TRIM64C: variants seen among roughly 807,000 people sequenced by gnomAD.
The protein encoded by TRIM64C is tripartite motif containing 64C.
In TRIM64C, 25 loss-of-function variants were observed where a neutral mutation model predicts 36.1. That is an observed-to-expected ratio of 0.69 (90% CI 0.51 to 0.97). The LOEUF (loss-of-function observed/expected upper bound fraction) is 0.97, where lower values mean the gene tolerates loss of function less well. TRIM64C is among the 50% of genes least tolerant of loss of function. The probability of loss-of-function intolerance (pLI) is 0.00; values close to 1 mark genes in which losing one functional copy is unlikely to be tolerated. For missense variants in TRIM64C, 489 were observed against 536.8 expected (o/e 0.91, Z 0.88); for synonymous variants, 212 against 185.7 (o/e 1.14, Z -1.15).
At chr11:49,055,621 A>G (rs1854804244) in intron 4 of TRIM64C, among the ~76,000 whole-genome samples, 1 of 152,172 alleles carries the variant, frequency 6.6e-6, no homozygotes, top group Non-Finnish European at 1.5e-5. Context: ...CAGATATGTT[A>G]TTCTCAGACA....
chr11:49,056,337 A>G (rs767081421), intron 4 of TRIM64C, 22 bp downstream of exon 4: 1 of 1,527,716 alleles, frequency 6.5e-7, no homozygotes, highest in Non-Finnish European at 8.8e-7. Context: ...CAGAAATAGC[A>G]TTTTTTTTAG....
chr11:49,053,980 T>A lies in TRIM64C; in HGVS notation c.1087A>T (p.Thr363Ser). ...TCAATAACTATATTGGTATCTGCTG[T>A]CCTAGAATCTCGACAGACTCCCAGA... ...WILGVCRDSR[T>S]ADTNIVIDSD... The change falls in exon 6 of 6, where the codon ACA becomes TCA. Residue 363 changes from threonine (T) to serine (S), a missense_variant. Thr to Ser is a moderately conservative substitution (Grantham distance 58). Coordinates refer to ENST00000617704, the MANE Select transcript of TRIM64C (RefSeq NM_001206631.1). 6.4e-7 allele frequency: 1 copy of A among 1,551,584 alleles called. No individual in the cohort carries two copies. Among genetic ancestry groups the A allele is most frequent in the South Asian group, 1.2e-5 (1 of 84,054 alleles).
At position 49,057,288 on chromosome 11, in the gene TRIM64C, C is replaced by T. The variant is rs1217784319; in HGVS notation, c.598G>A (p.Ala200Thr). ...AGCTCTTTTGCTTCTCTTTCCAGTGCCTGCAGATGCCGTTGCTCCTCCTCA... is the reference window on the plus strand; with the variant it reads ...AGCTCTTTTGCTTCTCTTTCCAGTGTCTGCAGATGCCGTTGCTCCTCCTCA... ...LDEEEQRHLQ[A>T]LEREAKELFQ... Residue 200 changes from alanine (A) to threonine (T), a missense_variant, in exon 3 of 6, where the codon GCA becomes ACA. Physicochemically the swap from Ala to Thr is moderately conservative, Grantham distance 58. Coordinates refer to ENST00000617704, the MANE Select transcript of TRIM64C (RefSeq NM_001206631.1). 6.5e-7 allele frequency: 1 copy of T among 1,549,724 alleles called. No individual in the cohort carries two copies.
At position 49,056,381 on chromosome 11, in the gene TRIM64C, C is replaced by G. The variant is rs769942779; in HGVS notation, c.739G>C (p.Asp247His). ...CACCTTGCCGATATATTTCCCACAT[C>G]CTGCAAAAAAAATAAAATGTAATGT... ...YHMPDVELLQ[D>H]VGNISARTDL... Residue 247 changes from aspartate to histidine, a missense_variant and splice_region_variant, in exon 4 of 6, where the codon GAT becomes CAT. Asp to His is a moderately conservative substitution (Grantham distance 81, BLOSUM62 -1). Transcript: ENST00000617704. 6.5e-7 allele frequency: 1 copy of G among 1,541,206 alleles called. No individual in the cohort carries two copies. Among genetic ancestry groups the G allele is most frequent in the African/African-American group, 1.4e-5 (1 of 71,868 alleles).
At position 49,058,521 on chromosome 11, in the gene TRIM64C, C is replaced by T. The variant is rs145215774; in HGVS notation, c.412+180G>A. On this transcript the variant is annotated intron_variant, in intron 1 of 5. Transcript: ENST00000617704. ...GAAACCTCCTTTAGTGAAGTCTCAA[C>T]ACAGCTATGATTAGAGTGCCAAATT... is the stretch of plus-strand genomic sequence containing the variant. Among the ~76,000 whole-genome samples the T allele has an allele frequency of 6.3e-3, 954 of 151,920 alleles. 43 individuals carry two copies. The highest frequency in any genetic ancestry group is 0.022 in the African/African-American group (916 of 41,228).
chr11:49,055,587 A>T lies in TRIM64C; in HGVS notation c.762-180T>A, dbSNP rs114510054. Among the ~76,000 whole-genome samples, 1,513 of 152,236 alleles carry T rather than the reference A, an allele frequency of 9.9e-3. 25 individuals carry two copies. The highest frequency in any genetic ancestry group is 0.034 in the African/African-American group (1,425 of 41,534). ...AAGGATGTTAATTTTTTTAAATTTT[A>T]CTTGCATAAAAACCCAATTTCTCCA... On this transcript the variant is annotated intron_variant, in intron 4 of 5. Coordinates refer to ENST00000617704, the MANE Select transcript of TRIM64C (RefSeq NM_001206631.1).
Position 49,055,260 on chromosome 11 carries a change from C to A in TRIM64C, c.859+50G>T, listed in dbSNP as rs564643018. On this transcript the variant is annotated intron_variant, in intron 5 of 5. Transcript: ENST00000617704. The stretch of plus-strand genomic sequence containing the variant: ...AATGGGAGAAGCCTCAACCAAGGGA[C>A]CCAATAAGGAAATAATTTGAGGCTG... The A allele has an allele frequency of 3.2e-4, 484 of 1,533,300 alleles. No homozygotes were observed. In the African/African-American group the frequency reaches 5.8e-3, roughly 18 times the overall value. 95.0% of individuals were successfully genotyped at this position (1,533,300 alleles called of 1,614,324 possible). A position where few individuals can be genotyped will look rare whatever the true frequency, so the allele number is the denominator to read the frequency against.
In TRIM64C at chr11:49,054,195, A is replaced by C; in HGVS notation, c.872T>G (p.Leu291Arg). 6 of 1,551,458 alleles carry C rather than the reference A, an allele frequency of 3.9e-6. No individual in the cohort carries two copies. Among genetic ancestry groups the C allele is most frequent in the Non-Finnish European group, 5.2e-6 (6 of 1,146,800 alleles). The stretch of plus-strand genomic sequence containing the variant: ...ATAGCAAGGAGTCATTTCTGTACTC[A>C]GAGCATTATCCACTGACAAGGAAAA... ...MLNNFRVDNA[L>R]STEMTPCYIS... is the part of the protein sequence containing the mutation. The change falls in exon 6 of 6, where the codon CTG becomes CGG. Residue 291 changes from leucine to arginine, a missense_variant. Leu to Arg is a moderately radical substitution (Grantham distance 102). Transcript: ENST00000617704.
chr11:49,055,493 A>T lies in TRIM64C; in HGVS notation c.762-86T>A, dbSNP rs1388559114. The T allele has an allele frequency of 2.7e-6, 4 of 1,496,246 alleles. No individual in the cohort carries two copies. The African/African-American group carries it at 4.2e-5, about 16-fold the overall frequency. 92.7% of individuals were successfully genotyped at this position (1,496,246 alleles called of 1,614,324 possible). On this transcript the variant is annotated intron_variant, in intron 4 of 5. Transcript: ENST00000617704. ...TGAAGATATCATATTTTCATATAAG[A>T]TGTTTCCTCAGAATTCTGCCGGTTT...
In TRIM64C at chr11:49,058,126, C is replaced by T; in HGVS notation, c.459G>A (p.Glu153=). 2 of 1,529,334 alleles carry T rather than the reference C, an allele frequency of 1.3e-6. No homozygotes were observed. Among genetic ancestry groups the T allele is most frequent in the Admixed American group, 2.0e-5 (1 of 49,984 alleles). 94.7% of individuals were successfully genotyped at this position (1,529,334 alleles called of 1,614,324 possible). A position where few individuals can be genotyped will look rare whatever the true frequency, so the allele number is the denominator to read the frequency against. Residue 153 remains glutamate, a synonymous_variant, in exon 2 of 6, where the codon GAG becomes GAA. Transcript: ENST00000617704. ...TTTCCTGATTTAGATTGTTTTGTGT[C>T]TCTTGATTGATTTTCCATAAATAGT... is the stretch of plus-strand genomic sequence containing the variant. The part of the protein sequence containing the change: ...EMDYLWKINQ[E]TQNNLNQETS...
Position 49,057,220 on chromosome 11 carries a change from A to C in TRIM64C, c.666T>G (p.His222Gln), listed in dbSNP as rs752744752. ...TGTACATGTCTTTCATCCCTTCTAAATGTTGGGTCATTCTCACTTGACTGT... is the reference window on the plus strand; with the variant it reads ...TGTACATGTCTTTCATCCCTTCTAACTGTTGGGTCATTCTCACTTGACTGT... ...LQDSQVRMTQ[H>Q]LEGMKDMYRE... The change falls in exon 3 of 6, where the codon CAT (histidine) becomes CAG (glutamine). Residue 222 changes from histidine to glutamine, a missense_variant. Coordinates refer to ENST00000617704, the MANE Select transcript of TRIM64C (RefSeq NM_001206631.1). The C allele has an allele frequency of 8.4e-6, 13 of 1,549,490 alleles. No individual in the cohort carries two copies. The highest frequency in any genetic ancestry group is 1.1e-5 in the Non-Finnish European group (13 of 1,146,938).
intron 5 of TRIM64C, among the ~76,000 whole-genome samples, chr11:49,055,020 GC>G (rs1854796289): frequency 6.6e-6 from 1 of 152,148 alleles, no homozygotes; most frequent in Admixed American, 6.5e-5. Context: ...AAATACTGAT[GC>G]CACCATGAAA....
In TRIM64C at chr11:49,054,319, C is replaced by A. The variant is rs1854788343; in HGVS notation, c.860-112G>T. The A allele has an allele frequency of 4.0e-6, 5 of 1,238,002 alleles. No homozygotes were observed. The South Asian group carries it at 8.1e-5, about 20-fold the overall frequency. 76.7% of individuals were successfully genotyped at this position (1,238,002 alleles called of 1,614,324 possible). ...CAAGGAAATACAGAAAAAAGGAAAC[C>A]AAGAGAGTTCAGCCCCATGCATCCA... On this transcript the variant is annotated intron_variant, in intron 5 of 5. Transcript: ENST00000617704.
chr11:49,057,522 C>G (rs1854827613), intron 2 of TRIM64C, 144 bp from the exon 3 acceptor site: 1 of 877,246 alleles, frequency 1.1e-6, no homozygotes, highest in African/African-American at 1.7e-5. Context: ...CTATCTTTTT[C>G]TGTCCATCTT....
In TRIM64C at chr11:49,053,918, C is replaced by T. The variant is rs1193827818; in HGVS notation, c.1149G>A (p.Thr383=). Reference sequence around the variant, plus strand: ...TGGTGGAGAGACTATAGTGATTGCTCGTCTTTGAAGAAATTGAAAAAAATG... The same window carrying T: ...TGGTGGAGAGACTATAGTGATTGCTTGTCTTTGAAGAAATTGAAAAAAATG... ...DKTFFSISSK[T]SNHYSLSTNS... is the part of the protein sequence containing the mutation. The change falls in exon 6 of 6, where the codon ACG becomes ACA. Residue 383 remains threonine, a synonymous_variant. Transcript: ENST00000617704. The T allele has an allele frequency of 1.3e-5, 20 of 1,551,438 alleles. No homozygotes were observed. Among genetic ancestry groups the T allele is most frequent in the East Asian group, 2.4e-5 (1 of 40,934 alleles).
At chr11:49,056,620 C>G (rs1047259092) in intron 3 of TRIM64C, among the ~76,000 whole-genome samples, 2 of 151,820 alleles carry the variant, frequency 1.3e-5, no homozygotes, top group African/African-American at 4.9e-5. Flanking sequence ...GCAAAGATAC[C>G]TAGGTTTCCA....
Position 49,058,717 on chromosome 11 carries a change from A to C in TRIM64C, c.396T>G (p.Ala132=). ...AGGCATCACGTACCCTGCATTCCTCAGCAGCCCATCCTATTGGGCTGTGGC... is the reference window on the plus strand; with the variant it reads ...AGGCATCACGTACCCTGCATTCCTCCGCAGCCCATCCTATTGGGCTGTGGC... ...AHSHSPIGWA[A]EECRVQKLIK... The change falls in exon 1 of 6, where the codon GCT becomes GCG. Residue 132 remains alanine, a synonymous_variant. Transcript: ENST00000617704. The C allele has an allele frequency of 6.5e-7, 1 of 1,546,456 alleles. No homozygotes were observed.
At chr11:49,055,258 G>T (rs975954463) in intron 5 of TRIM64C, 52 bp downstream of exon 5, 1 of 1,532,096 alleles carries the variant, frequency 6.5e-7, no homozygotes, top group African/African-American at 1.4e-5. Context: ...TCAACCAAGG[G>T]ACCCAATAAG....
At chr11:49,054,514 A>G (rs187325632) in intron 5 of TRIM64C, among the ~76,000 whole-genome samples, 58 of 152,212 alleles carry the variant, frequency 3.8e-4, no homozygotes, top group African/African-American at 1.3e-3. Context: ...CAATAGAAAA[A>G]TCTTCTTGTA....
Sources: gnomAD v4.1 joint callset for allele counts (sites outside exome capture counted in the v4.1 genomes callset) on GRCh38, gnomAD v4.1.1 for gene constraint, MANE v1.5 for transcripts, NCBI Gene and HGNC (gene_info 2026-07-23, HGNC 2026-07-21) for gene names.